Variants in BLTP3B observed in about 807,000 individuals in gnomAD.
The protein encoded by BLTP3B is UHRF1 (ICBP90) binding protein 1-like.
chr12:100,121,354 G>GGA, the BLTP3B span, among the ~76,000 whole-genome samples: 3 of 97,134 alleles, frequency 3.1e-5, no homozygotes, highest in African/African-American at 7.5e-5. Context: ...CCATCTCATG[G>GGA]AAAAAAAAAA....
chr12:100,106,001 T>A, the BLTP3B span, among the ~76,000 whole-genome samples: 1 of 152,104 alleles, frequency 6.6e-6, no homozygotes, highest in East Asian at 1.9e-4. Flanking sequence ...AAAAACACAT[T>A]GAGACACCAC....
the BLTP3B span, chr12:100,058,024 G>A: frequency 6.5e-7 from 1 of 1,550,162 alleles, no homozygotes. Context: ...ATAAAATGTT[G>A]TTACCTTAAA....
the BLTP3B span, among the ~76,000 whole-genome samples, chr12:100,138,637 C>T: frequency 2.2e-4 from 34 of 152,332 alleles, no homozygotes; most frequent in Admixed American, 2.2e-3. Flanking sequence ...TTAAACTATA[C>T]GATGACTCCA....
At chr12:100,046,852 C>T in the BLTP3B span, among the ~76,000 whole-genome samples, 1 of 152,056 alleles carries the variant, frequency 6.6e-6, no homozygotes, top group Non-Finnish European at 1.5e-5. Flanking sequence ...AACGTAGAGA[C>T]GTGCAAAGTG....
chr12:100,059,910 C>A, the BLTP3B span: 1 of 1,612,700 alleles, frequency 6.2e-7, no homozygotes, highest in South Asian at 1.1e-5. Flanking sequence ...AATTGTCATT[C>A]AACTTGTACA....
At chr12:100,049,206 A>C in the BLTP3B span, among the ~76,000 whole-genome samples, 1 of 152,162 alleles carries the variant, frequency 6.6e-6, no homozygotes, top group Non-Finnish European at 1.5e-5. Context: ...TCCCTAGCAA[A>C]AAAGATAAAA....
chr12:100,115,377 G>T, the BLTP3B span, among the ~76,000 whole-genome samples: 2 of 152,216 alleles, frequency 1.3e-5, no homozygotes, highest in African/African-American at 4.8e-5. Context: ...CCACACTCCA[G>T]CCTAGGCGAC....
chr12:100,072,742 A>T, the BLTP3B span: 9 of 1,606,996 alleles, frequency 5.6e-6, no homozygotes, highest in Non-Finnish European at 7.6e-6. Flanking sequence ...TTTCTTGTGG[A>T]AGATATAGGG....
At chr12:100,074,694 A>T in the BLTP3B span, among the ~76,000 whole-genome samples, 3 of 152,062 alleles carry the variant, frequency 2.0e-5, no homozygotes, top group Non-Finnish European at 2.9e-5. Flanking sequence ...TTAGAAAAAA[A>T]TTTTAAAATA....
the BLTP3B span, chr12:100,047,402 G>T: frequency 1.6e-6 from 1 of 619,604 alleles, no homozygotes; most frequent in Non-Finnish European, 2.8e-6. Context: ...GGAGGTTTAG[G>T]TAGGAGAATC....
chr12:100,067,990 A>C, the BLTP3B span, among the ~76,000 whole-genome samples: 1 of 152,114 alleles, frequency 6.6e-6, no homozygotes, highest in Non-Finnish European at 1.5e-5. Context: ...ACAGAACTAG[A>C]AAAAAAATTC....
At chr12:100,136,479 C>G in the BLTP3B span, among the ~76,000 whole-genome samples, 1 of 152,148 alleles carries the variant, frequency 6.6e-6, no homozygotes, top group African/African-American at 2.4e-5. Flanking sequence ...CCATGTCTTA[C>G]TCATCTTTGT....
At chr12:100,128,828 A>T in the BLTP3B span, 1 of 917,692 alleles carries the variant, frequency 1.1e-6, no homozygotes, top group Non-Finnish European at 1.3e-6. Context: ...TGCCCTTTGG[A>T]AAAAAAAAAC....
the BLTP3B span, among the ~76,000 whole-genome samples, chr12:100,073,422 A>G: frequency 6.6e-6 from 1 of 151,110 alleles, no homozygotes; most frequent in Non-Finnish European, 1.5e-5. Flanking sequence ...CTGGTCTCAA[A>G]CTCCTGACCT....
At chr12:100,088,698 T>C in the BLTP3B span, among the ~76,000 whole-genome samples, 1 of 152,228 alleles carries the variant, frequency 6.6e-6, no homozygotes, top group African/African-American at 2.4e-5. Context: ...TTAGCATTGA[T>C]AGCTAACAAA....
chr12:100,070,880 C>A, the BLTP3B span, among the ~76,000 whole-genome samples: 4 of 152,092 alleles, frequency 2.6e-5, no homozygotes, highest in Admixed American at 2.0e-4. Flanking sequence ...GTGGTGCATG[C>A]CTGTAGTCCC....
the BLTP3B span, among the ~76,000 whole-genome samples, chr12:100,119,924 T>C: frequency 6.6e-6 from 1 of 152,140 alleles, no homozygotes; most frequent in Admixed American, 6.5e-5. Context: ...AAAAAATAAG[T>C]TAGTGGATCA....
At chr12:100,070,186 A>C in the BLTP3B span, 1 of 1,560,776 alleles carries the variant, frequency 6.4e-7, no homozygotes, top group Non-Finnish European at 8.7e-7. Context: ...GAAACAAATG[A>C]GAAACACACA....
chr12:100,055,725 G>A, the BLTP3B span, among the ~76,000 whole-genome samples: 5 of 150,558 alleles, frequency 3.3e-5, no homozygotes, highest in South Asian at 8.4e-4. Flanking sequence ...TCCCAGTTCT[G>A]CGTACAATAA....
Sources: gnomAD v4.1 joint callset for allele counts (sites outside exome capture counted in the v4.1 genomes callset) on GRCh38, gnomAD v4.1.1 for gene constraint, MANE v1.5 for transcripts, NCBI Gene and HGNC (gene_info 2026-07-23, HGNC 2026-07-21) for gene names.